The following ETF1 variants were observed in gnomAD, a reference collection of about 807,000 sequenced individuals.
ETF1 encodes the protein eukaryotic peptide chain release factor subunit 1.
In ETF1, 4 loss-of-function variants were observed where a neutral mutation model predicts 55.1. The observed-to-expected ratio is 0.07, with a 90% CI of 0.04 to 0.17. The LOEUF is 0.17. Ranked by LOEUF, ETF1 falls within the 10% of genes least tolerant of loss-of-function variation. The probability of loss-of-function intolerance (pLI) is 1.00; values close to 1 mark genes in which losing one functional copy is unlikely to be tolerated. For missense variants in ETF1, 142 were observed against 523.6 expected (o/e 0.27, Z 7.11); for synonymous variants, 157 against 182.3 (o/e 0.86, Z 1.12).
chr5:138,513,789 C>T, intron 4 of ETF1, 83 bp from the exon 5 acceptor site: 1 of 1,442,540 alleles, frequency 6.9e-7, no homozygotes, highest in South Asian at 1.6e-5. Context: ...ATATACAAGC[C>T]CTTTCACTCC....
chr5:138,532,225 TC>T (rs1765731916), intron 2 of ETF1, among the ~76,000 whole-genome samples: 1 of 152,152 alleles, frequency 6.6e-6, no homozygotes, highest in Non-Finnish European at 1.5e-5. Flanking sequence ...ATTTTTCTTC[TC>T]CCAAATTTGC....
In ETF1 at chr5:138,508,337, C is replaced by T. The variant is rs1009083553; in HGVS notation, c.1282G>A (p.Asp428Asn). The change falls in exon 11 of 11, where the codon GAC becomes AAC. Residue 428 changes from aspartate (D) to asparagine (N), a missense_variant. Asp to Asn is a conservative substitution (Grantham distance 23, BLOSUM62 1). Transcript: ENST00000360541. ...DFQGMEYQGG[D>N]DEFFDLDDY ...TCATCAAGGTCAAAAAATTCATCGT[C>T]TCCTCCTTGGTATTCCATTCCCTGG... The T allele has an allele frequency of 1.9e-6, 3 of 1,613,928 alleles. No homozygotes were observed. In the African/African-American group the frequency reaches 4.0e-5, roughly 22 times the overall value.
Position 138,513,168 on chromosome 5 carries a change from C to A in ETF1, c.542-214G>T, listed in dbSNP as rs1039067941. On this transcript the variant is annotated intron_variant, in intron 5 of 10. Coordinates refer to ENST00000360541, the MANE Select transcript of ETF1 (RefSeq NM_004730.4). Reference sequence around the variant, plus strand: ...AGGAGCTGTAAGTACCAATGAGGCACCAGTCATTACAGGAGGCTTCTCTCC... The same window carrying A: ...AGGAGCTGTAAGTACCAATGAGGCAACAGTCATTACAGGAGGCTTCTCTCC... 1.3e-5 allele frequency: 13 copies of A among 985,128 alleles called. No homozygotes were observed. The African/African-American group carries it at 2.3e-4, about 17-fold the overall frequency. 61.0% of individuals were successfully genotyped at this position (985,128 alleles called of 1,614,324 possible). A position where few individuals can be genotyped will look rare whatever the true frequency, so the allele number is the denominator to read the frequency against.
intron 2 of ETF1, among the ~76,000 whole-genome samples, chr5:138,524,723 A>G (rs967006262): frequency 7.3e-5 from 11 of 150,854 alleles, no homozygotes; most frequent in African/African-American, 1.9e-4. Context: ...GACTACAGGC[A>G]CACGCCATCA....
chr5:138,519,853 T>C (rs1010788253), intron 2 of ETF1, among the ~76,000 whole-genome samples: 7 of 152,182 alleles, frequency 4.6e-5, no homozygotes, highest in Admixed American at 1.3e-4. Context: ...TTTGGTTTTT[T>C]AACTTTTTAA....
chr5:138,537,407 A>G (rs193132939), intron 2 of ETF1, among the ~76,000 whole-genome samples: 1 of 152,334 alleles, frequency 6.6e-6, no homozygotes, highest in Admixed American at 6.5e-5. Context: ...ATTTTAACCC[A>G]TATTATCTCA....
At chr5:138,528,553 C>T (rs1004872216) in intron 2 of ETF1, among the ~76,000 whole-genome samples, 3 of 152,088 alleles carry the variant, frequency 2.0e-5, no homozygotes, top group African/African-American at 7.2e-5. Flanking sequence ...GTGTAGCTTG[C>T]CTAAGAATTG....
chr5:138,530,755 G>C (rs1412514475), intron 2 of ETF1, among the ~76,000 whole-genome samples: 1 of 152,224 alleles, frequency 6.6e-6, no homozygotes, highest in East Asian at 1.9e-4. Flanking sequence ...AGTAGAGGCA[G>C]GGTTTCACCA....
intron 2 of ETF1, among the ~76,000 whole-genome samples, chr5:138,541,124 T>A (rs1766155007): frequency 6.6e-6 from 1 of 152,170 alleles, no homozygotes; most frequent in African/African-American, 2.4e-5. Context: ...CAGCAATCTA[T>A]AAAATGCAAT....
At chr5:138,510,357 C>CAAAAAAAAAAAAAAA (rs57906231) in intron 9 of ETF1, among the ~76,000 whole-genome samples, 4 of 64,782 alleles carry the variant, frequency 6.2e-5, no homozygotes, top group Admixed American at 2.3e-4. Context: ...GACCTTGTCT[C>CAAAAAAAAAAAAAAA]AAAAAAAAAA....
intron 2 of ETF1, among the ~76,000 whole-genome samples, chr5:138,535,987 T>C (rs1024553791): frequency 2.6e-5 from 4 of 152,096 alleles, no homozygotes; most frequent in Non-Finnish European, 4.4e-5. Flanking sequence ...AAATGGTTTA[T>C]ATTATCATTC....
intron 2 of ETF1, among the ~76,000 whole-genome samples, chr5:138,539,677 C>T (rs186089462): frequency 5.9e-5 from 9 of 152,312 alleles, no homozygotes; most frequent in African/African-American, 2.2e-4. Flanking sequence ...AAGTATGATG[C>T]TGGTTACAAA....
At chr5:138,539,437 C>T (rs554134739) in intron 2 of ETF1, among the ~76,000 whole-genome samples, 3 of 152,340 alleles carry the variant, frequency 2.0e-5, no homozygotes, top group South Asian at 2.1e-4. Flanking sequence ...TTTATGTATA[C>T]ATTTGTCCTT....
At chr5:138,537,860 G>A (rs1482000515) in intron 2 of ETF1, among the ~76,000 whole-genome samples, 3 of 150,412 alleles carry the variant, frequency 2.0e-5, no homozygotes, top group African/African-American at 4.9e-5. Flanking sequence ...GATTACAGGC[G>A]TGAGCCACCG....
At chr5:138,511,288 A>T in intron 7 of ETF1, 88 bp from the exon 8 acceptor site, 1 of 1,548,866 alleles carries the variant, frequency 6.5e-7, no homozygotes, top group Admixed American at 2.1e-5. Context: ...ACTAAAGAAG[A>T]TAAAAAATAA....
chr5:138,520,703 C>T (rs1485378674), intron 2 of ETF1, among the ~76,000 whole-genome samples: 1 of 152,092 alleles, frequency 6.6e-6, no homozygotes, highest in East Asian at 1.9e-4. Context: ...GCCTGTAGCC[C>T]TAGCTATTCA....
At position 138,542,551 on chromosome 5, in the gene ETF1, G is replaced by A. The variant is rs564538629; in HGVS notation, c.86+282C>T. On this transcript the variant is annotated intron_variant, in intron 2 of 10. Coordinates refer to ENST00000360541, the MANE Select transcript of ETF1 (RefSeq NM_004730.4). ...CCGAAGAGGGAGGACCTGGACTTAA[G>A]GGCCCGGGAGAGGTGCAAAAGTAGC... 7 of 1,215,428 alleles carry A rather than the reference G, an allele frequency of 5.8e-6. No individual in the cohort carries two copies. The African/African-American group carries it at 9.4e-5, about 16-fold the overall frequency. The allele number at this position is 1,215,428 out of a possible 1,614,324, so 75.3% of individuals were successfully genotyped here.
chr5:138,516,820 G>GTCACTTGTCCATGAATGT (rs1278632074), intron 4 of ETF1, among the ~76,000 whole-genome samples: 1 of 152,130 alleles, frequency 6.6e-6, no homozygotes, highest in Non-Finnish European at 1.5e-5. Flanking sequence ...AAAATGTATG[G>GTCACTTGTCCATGAATGT]TCACATAGAA....
intron 2 of ETF1, among the ~76,000 whole-genome samples, chr5:138,528,240 GTT>G (rs1184475571): frequency 1.3e-5 from 2 of 152,298 alleles, no homozygotes; most frequent in East Asian, 3.9e-4. Context: ...GATTTGGAAC[GTT>G]TAAGGCTAAA....
Sources: allele counts gnomAD v4.1 joint callset (sites outside exome capture counted in the v4.1 genomes callset), GRCh38; gene constraint gnomAD v4.1.1; transcripts MANE v1.5; gene names NCBI Gene and HGNC (gene_info 2026-07-23, HGNC 2026-07-21).